Variants in ZNF730 observed in about 807,000 individuals in gnomAD.
The protein encoded by ZNF730 is putative zinc finger protein 730.
ZNF730 carries 12 observed loss-of-function variants against 12.6 expected under a neutral mutation model. The observed-to-expected ratio is 0.95, with a 90% CI of 0.61 to 1.54. ZNF730 has a LOEUF of 1.54. Ranked by LOEUF, ZNF730 falls within the 40% of genes most tolerant of loss-of-function variation. The pLI, the probability that ZNF730 is intolerant of heterozygous loss-of-function variation, is 0.00. For synonymous variants in ZNF730, 194 were observed against 195.8 expected (o/e 0.99, Z 0.08); for missense variants, 643 against 583.5 (o/e 1.10, Z -1.05).
intron 1 of ZNF730, among the ~76,000 whole-genome samples, chr19:23,081,982 G>C (rs921347514): frequency 1.3e-5 from 2 of 152,186 alleles, no homozygotes; most frequent in Non-Finnish European, 2.9e-5. Context: ...CTGACTTCAA[G>C]TAATTCTCTT....
chr19:23,116,470 G>T (rs554401459), upstream of ZNF730, among the ~76,000 whole-genome samples: 1 of 147,392 alleles, frequency 6.8e-6, no homozygotes, highest in Non-Finnish European at 1.5e-5. Context: ...TCAGTGGTAC[G>T]ATCTCGGCTC....
chr19:23,117,718 A>G (rs1397274995), intron 1 of ZNF730, among the ~76,000 whole-genome samples: 2 of 152,178 alleles, frequency 1.3e-5, no homozygotes, highest in African/African-American at 4.8e-5. Flanking sequence ...AAAAACCCAA[A>G]TTCAGTAATC....
chr19:23,130,190 G>A (rs1016792599), intron 1 of ZNF730, among the ~76,000 whole-genome samples: 4 of 151,922 alleles, frequency 2.6e-5, no homozygotes, highest in African/African-American at 7.3e-5. Context: ...TATGGGAGTG[G>A]GTCTTCCCTG....
intron 1 of ZNF730, among the ~76,000 whole-genome samples, chr19:23,097,411 G>A (rs1273921035): frequency 2.0e-5 from 3 of 151,866 alleles, no homozygotes; most frequent in South Asian, 2.1e-4. Context: ...ATTTCATACC[G>A]AGCTGATGTA....
intron 1 of ZNF730, chr19:23,127,459 T>C: frequency 9.1e-7 from 1 of 1,098,826 alleles, no homozygotes. Flanking sequence ...ACCCTTCTCC[T>C]TCTCCAAGCT....
upstream of ZNF730, chr19:23,116,930 GCCTTAAAC>G: frequency 1.1e-5 from 1 of 94,148 alleles, no homozygotes; most frequent in Non-Finnish European, 2.0e-5. Flanking sequence ...AGGGGGCGGG[GCCTTAAAC>G]GTTATCCAAT....
At chr19:23,124,373 C>G (rs2145619873) in intron 1 of ZNF730, among the ~76,000 whole-genome samples, 1 of 152,304 alleles carries the variant, frequency 6.6e-6, no homozygotes, top group African/African-American at 2.4e-5. Flanking sequence ...ACTATACCTA[C>G]CAGTAAAATG....
chr19:23,075,387 G>C (rs1012473697), exon 1 of ZNF730: 10 of 154,156 alleles, frequency 6.5e-5, no homozygotes, highest in African/African-American at 2.4e-4. Flanking sequence ...GCTGTGAAGT[G>C]GTGCGTATGC....
chr19:23,097,095 T>C (rs1279320100), intron 1 of ZNF730, among the ~76,000 whole-genome samples: 2 of 152,204 alleles, frequency 1.3e-5, no homozygotes, highest in Admixed American at 6.5e-5. Context: ...TCTGCATCCA[T>C]AGTCTAGGAG....
At chr19:23,139,846 C>T (rs1191274456) in intron 3 of ZNF730, among the ~76,000 whole-genome samples, 4 of 152,094 alleles carry the variant, frequency 2.6e-5, no homozygotes, top group Non-Finnish European at 5.9e-5. Context: ...TTTAATGCTA[C>T]ATCAACGTTG....
Position 23,146,217 on chromosome 19 carries a change from T to C in ZNF730, c.1173T>C (p.Thr391=). Reference sequence around the variant, plus strand: ...TTACTATACATAAGATAATTCATACTGTAGAGAAATTTTACAAATGTGAAG... The same window carrying C: ...TTACTATACATAAGATAATTCATACCGTAGAGAAATTTTACAAATGTGAAG... ...STLTIHKIIH[T]VEKFYKCEEC... The change falls in exon 4 of 4, where the codon ACT becomes ACC. Residue 391 remains threonine (T), a synonymous_variant. Transcript: ENST00000597761. The C allele has an allele frequency of 4.3e-6, 7 of 1,611,902 alleles. No individual in the cohort carries two copies. Among genetic ancestry groups the C allele is most frequent in the Non-Finnish European group, 5.9e-6 (7 of 1,178,740 alleles).
intron 1 of ZNF730, among the ~76,000 whole-genome samples, chr19:23,121,808 C>T (rs1970602972): frequency 1.3e-5 from 2 of 152,132 alleles, no homozygotes; most frequent in Admixed American, 1.3e-4. Context: ...AAGAACATGT[C>T]CAGAGACTTG....
At chr19:23,116,252 G>T (rs188055787), upstream of ZNF730, among the ~76,000 whole-genome samples, 1 of 150,898 alleles carries the variant, frequency 6.6e-6, no homozygotes, top group East Asian at 1.9e-4. Context: ...TCTGATCTCT[G>T]GAAGAAAGGT....
chr19:23,112,401 G>GA (rs1970470604), upstream of ZNF730, among the ~76,000 whole-genome samples: 1 of 152,050 alleles, frequency 6.6e-6, no homozygotes, highest in Non-Finnish European at 1.5e-5. Flanking sequence ...GCCAACGTGT[G>GA]AAAAAACATA....
In ZNF730 at chr19:23,146,788, A is replaced by T; in HGVS notation, c.*232A>T. On this transcript the variant is annotated 3_prime_UTR_variant, in exon 4 of 4. Coordinates refer to ENST00000597761, the MANE Select transcript of ZNF730 (RefSeq NM_001277403.2). ...CACCTTACTACACATAAGATAATTCATACTGGAGAGAAACCCTACAAGTGT... is the reference window on the plus strand; with the variant it reads ...CACCTTACTACACATAAGATAATTCTTACTGGAGAGAAACCCTACAAGTGT... The T allele has an allele frequency of 1.0e-6, 1 of 986,446 alleles. No homozygotes were observed. Among genetic ancestry groups the T allele is most frequent in the Non-Finnish European group, 1.6e-6 (1 of 612,462 alleles). The allele number at this position is 986,446 out of a possible 1,614,324, so 61.1% of individuals were successfully genotyped here.
upstream of ZNF730, among the ~76,000 whole-genome samples, chr19:23,116,298 C>G (rs917147728): frequency 3.5e-5 from 3 of 86,554 alleles, no homozygotes; most frequent in Admixed American, 3.6e-4. Context: ...GGTTATTCTG[C>G]TTTTTCTTTT....
intron 1 of ZNF730, among the ~76,000 whole-genome samples, chr19:23,121,994 G>A (rs1277644146): frequency 6.6e-6 from 1 of 151,652 alleles, no homozygotes; most frequent in Non-Finnish European, 1.5e-5. Context: ...TAAACCTTTT[G>A]TTATTCTTTC....
At chr19:23,115,560 G>A (rs1250127848), upstream of ZNF730, among the ~76,000 whole-genome samples, 1 of 152,174 alleles carries the variant, frequency 6.6e-6, no homozygotes, top group Non-Finnish European at 1.5e-5. Flanking sequence ...GGTCTTGAAT[G>A]CTTCTGCTTT....
At chr19:23,118,821 T>C (rs534663798) in intron 1 of ZNF730, among the ~76,000 whole-genome samples, 39 of 152,334 alleles carry the variant, frequency 2.6e-4, no homozygotes, top group South Asian at 1.7e-3. Flanking sequence ...TTGGTAGCAT[T>C]CTACAACCAA....
Sources: gnomAD v4.1 joint callset for allele counts (sites outside exome capture counted in the v4.1 genomes callset) on GRCh38, gnomAD v4.1.1 for gene constraint, MANE v1.5 for transcripts, NCBI Gene and HGNC (gene_info 2026-07-23, HGNC 2026-07-21) for gene names.